The following SEPTIN9 variants were observed in gnomAD, a reference collection of about 807,000 sequenced individuals.
SEPTIN9 encodes the protein septin-9.
Under a neutral mutation model 56.6 loss-of-function variants are expected in SEPTIN9, and 13 were observed. That is an observed-to-expected ratio of 0.23 (90% CI 0.15 to 0.37). The LOEUF (loss-of-function observed/expected upper bound fraction) is 0.37, where lower values mean the gene tolerates loss of function less well. Ranked by LOEUF, SEPTIN9 falls within the 10% of genes least tolerant of loss-of-function variation. The pLI is 1.00. For synonymous variants in SEPTIN9, 332 were observed against 334.1 expected, an observed-to-expected ratio of 0.99 and a Z score of 0.07; for missense variants, 650 against 823.1, an observed-to-expected ratio of 0.79 and a Z score of 2.57.
In SEPTIN9 at chr17:77,367,582, G is replaced by A. The variant is rs544432531; in HGVS notation, c.77-34477G>A. Reference sequence around the variant, plus strand: ...TGTAATCCCAGCACTTTGGGAGGCTGAGGAGGATGGATCACTTGAGGCCAG... The same window carrying A: ...TGTAATCCCAGCACTTTGGGAGGCTAAGGAGGATGGATCACTTGAGGCCAG... On this transcript the variant is annotated intron_variant, in intron 2 of 11. Transcript: ENST00000427177. The surrounding 1 kb of genome is among the most constrained non-coding windows in gnomAD (Gnocchi z 4.5). Among the ~76,000 whole-genome samples, 1 of 152,082 alleles carries A rather than the reference G, an allele frequency of 6.6e-6. No individual in the cohort carries two copies. Among genetic ancestry groups the A allele is most frequent in the African/African-American group, 2.4e-5 (1 of 41,396 alleles).
At chr17:77,361,696 T>C (rs887294801) in intron 2 of SEPTIN9, among the ~76,000 whole-genome samples, 5 of 151,902 alleles carry the variant, frequency 3.3e-5, no homozygotes, top group African/African-American at 1.2e-4. Flanking sequence ...GCAGTGGCGC[T>C]ATCTCGGCTC....
chr17:77,373,811 TGCC>T lies in SEPTIN9; in HGVS notation c.77-28244_77-28242del, dbSNP rs966514333. ...AGGACCCTGTGCTCGTTCTGCGCAC[TGCC>T]GCCTGGGTTTCCTTCCTTTTATTGT... On this transcript the variant is annotated intron_variant, in intron 2 of 11. Coordinates refer to ENST00000427177, the MANE Select transcript of SEPTIN9 (RefSeq NM_001113491.2). 5 of 520,216 alleles carry T rather than the reference TGCC, an allele frequency of 9.6e-6. No individual in the cohort carries two copies. In the African/African-American group the frequency reaches 1.0e-4, roughly 10 times the overall value. The allele number at this position is 520,216 out of a possible 1,614,324, so 32.2% of individuals were successfully genotyped here. A position where few individuals can be genotyped will look rare whatever the true frequency, so the allele number is the denominator to read the frequency against.
intron 1 of SEPTIN9, among the ~76,000 whole-genome samples, chr17:77,287,377 G>A (rs1334227321): frequency 1.3e-5 from 2 of 152,236 alleles, no homozygotes; most frequent in Non-Finnish European, 2.9e-5. Flanking sequence ...GCCTGGCATT[G>A]GCCTGCTCTA....
At chr17:77,461,330 A>AT (rs2038463802) in intron 3 of SEPTIN9, among the ~76,000 whole-genome samples, 1 of 152,060 alleles carries the variant, frequency 6.6e-6, no homozygotes, top group Non-Finnish European at 1.5e-5. Flanking sequence ...AAATAAATAA[A>AT]AATAAAAATC....
Position 77,453,299 on chromosome 17 carries a change from A to C in SEPTIN9, c.722-28845A>C, listed in dbSNP as rs1301034569. 1.3e-5 allele frequency among the ~76,000 whole-genome samples: 2 copies of C among 152,164 alleles called. No homozygotes were observed. Among genetic ancestry groups the C allele is most frequent in the Non-Finnish European group, 2.9e-5 (2 of 68,040 alleles). ...CATCAAGCACTGTGGTCAGACCAGCATTCCATGTCAAAAATGGCCTTGTTG... is the reference window on the plus strand; with the variant it reads ...CATCAAGCACTGTGGTCAGACCAGCCTTCCATGTCAAAAATGGCCTTGTTG... On this transcript the variant is annotated intron_variant, in intron 3 of 11. Transcript: ENST00000427177. The surrounding 1 kb of genome is among the most constrained non-coding windows in gnomAD (Gnocchi z 4.4).
At position 77,492,034 on chromosome 17, in the gene SEPTIN9, G is replaced by A. The variant is rs1475837598; in HGVS notation, c.1381-587G>A. Reference sequence around the variant, plus strand: ...CACATCTGCCTCGGTGGGTGTGGGTGGGGCCTGTAACCTACTCCGTCCTGG... The same window carrying A: ...CACATCTGCCTCGGTGGGTGTGGGTAGGGCCTGTAACCTACTCCGTCCTGG... On this transcript the variant is annotated intron_variant, in intron 8 of 11. Coordinates refer to ENST00000427177, the MANE Select transcript of SEPTIN9 (RefSeq NM_001113491.2). This position sits in a 1 kb window ranked among gnomAD's most constrained non-coding sequence, Gnocchi z 5.4. Among the ~76,000 whole-genome samples, 1 of 152,084 alleles carries A rather than the reference G, an allele frequency of 6.6e-6. No homozygotes were observed. Among genetic ancestry groups the A allele is most frequent in the Non-Finnish European group, 1.5e-5 (1 of 68,006 alleles).
intron 2 of SEPTIN9, among the ~76,000 whole-genome samples, chr17:77,387,819 A>G (rs1416490361): frequency 6.6e-6 from 1 of 152,002 alleles, no homozygotes; most frequent in Non-Finnish European, 1.5e-5. Context: ...ACTTCTGTGG[A>G]CAGATTCCAG....
chr17:77,450,387 C>T lies in SEPTIN9; in HGVS notation c.722-31757C>T, dbSNP rs1203454207. 3 of 736,266 alleles carry T rather than the reference C, an allele frequency of 4.1e-6. No individual in the cohort carries two copies. Among genetic ancestry groups the T allele is most frequent in the Non-Finnish European group, 5.0e-6 (3 of 602,394 alleles). 45.6% of individuals were successfully genotyped at this position (736,266 alleles called of 1,614,324 possible). On this transcript the variant is annotated intron_variant, in intron 3 of 11. Coordinates refer to ENST00000427177, the MANE Select transcript of SEPTIN9 (RefSeq NM_001113491.2). The surrounding 1 kb of genome is among the most constrained non-coding windows in gnomAD (Gnocchi z 6.0). Reference sequence around the variant, plus strand: ...TGAGGGCGTAGCTTCCAGAATTCAGCCCCTGGCCCTCAGAAGGTGTCACCA... The same window carrying T: ...TGAGGGCGTAGCTTCCAGAATTCAGTCCCTGGCCCTCAGAAGGTGTCACCA...
At position 77,319,961 on chromosome 17, in the gene SEPTIN9, G is replaced by A. The variant is rs769442066; in HGVS notation, c.76+12764G>A. On this transcript the variant is annotated intron_variant, in intron 2 of 11. Coordinates refer to ENST00000427177, the MANE Select transcript of SEPTIN9 (RefSeq NM_001113491.2). The surrounding 1 kb of genome is among the most constrained non-coding windows in gnomAD (Gnocchi z 5.3). ...CAGCCACCGACCAGACCGGGCGGCC[G>A]GGACTCTGGGACTCTCGCAGGCAGA... 1.2e-3 allele frequency: 1,393 copies of A among 1,176,902 alleles called. 3 individuals are homozygous for A. Among genetic ancestry groups the A allele is most frequent in the Non-Finnish European group, 1.4e-3 (1,355 of 948,168 alleles). 72.9% of individuals were successfully genotyped at this position (1,176,902 alleles called of 1,614,324 possible). A position where few individuals can be genotyped will look rare whatever the true frequency, so the allele number is the denominator to read the frequency against.
chr17:77,326,945 G>A lies in SEPTIN9; in HGVS notation c.76+19748G>A, dbSNP rs566101977. On this transcript the variant is annotated intron_variant, in intron 2 of 11. Transcript: ENST00000427177. The surrounding 1 kb of genome is among the most constrained non-coding windows in gnomAD (Gnocchi z 5.1). ...TGTGGAGGCTCCTGGAGGGTGGAGC[G>A]CCTGGGGAGCACATGGAAGCTCTGC... Among the ~76,000 whole-genome samples, 16 of 152,122 alleles carry A rather than the reference G, an allele frequency of 1.1e-4. No homozygotes were observed. The South Asian group carries it at 1.2e-3, about 12-fold the overall frequency.
At chr17:77,320,416 TG>T (rs989981107) in intron 2 of SEPTIN9, 31 of 1,369,032 alleles carry the variant, frequency 2.3e-5, no homozygotes, top group Non-Finnish European at 3.1e-5. Flanking sequence ...TATTTATGCC[TG>T]GGGGAATAAG....
intron 3 of SEPTIN9, among the ~76,000 whole-genome samples, chr17:77,432,918 T>A (rs1245724459): frequency 6.6e-6 from 1 of 152,160 alleles, no homozygotes; most frequent in Non-Finnish European, 1.5e-5. Flanking sequence ...CCCAGGAATT[T>A]CTGGCCCCTT....
At chr17:77,341,738 G>A (rs1292571641) in intron 2 of SEPTIN9, among the ~76,000 whole-genome samples, 3 of 137,538 alleles carry the variant, frequency 2.2e-5, no homozygotes, top group Admixed American at 8.1e-5. Flanking sequence ...TCACACCACT[G>A]CACTCCACTG....
intron 2 of SEPTIN9, among the ~76,000 whole-genome samples, chr17:77,308,405 C>T (rs565504787): frequency 3.3e-5 from 5 of 152,358 alleles, no homozygotes; most frequent in South Asian, 2.1e-4. Context: ...CATCTGGAGC[C>T]GCCACCTCCA....
At chr17:77,407,173 C>G (rs1022879273) in intron 3 of SEPTIN9, among the ~76,000 whole-genome samples, 1 of 146,786 alleles carries the variant, frequency 6.8e-6, no homozygotes, top group East Asian at 2.0e-4. Context: ...GTCCCAGCTA[C>G]TGGGGAGGTT....
At chr17:77,406,660 T>C (rs2411112) in intron 3 of SEPTIN9, among the ~76,000 whole-genome samples, 1 of 150,306 alleles carries the variant, frequency 6.7e-6, no homozygotes, top group Non-Finnish European at 1.5e-5. Context: ...TTGTTTTTTT[T>C]TGTGTTTTTT....
chr17:77,407,392 T>C (rs938718670), intron 3 of SEPTIN9, among the ~76,000 whole-genome samples: 9 of 150,112 alleles, frequency 6.0e-5, no homozygotes, highest in African/African-American at 2.0e-4. Context: ...TGGTGGTGAG[T>C]TGGGATGGCT....
chr17:77,481,380 G>A (rs895445069), intron 3 of SEPTIN9, among the ~76,000 whole-genome samples: 6 of 148,840 alleles, frequency 4.0e-5, no homozygotes, highest in Non-Finnish European at 8.9e-5. Flanking sequence ...GTCAGTCCAG[G>A]GGGAGGCAGA....
intron 2 of SEPTIN9, among the ~76,000 whole-genome samples, chr17:77,320,957 G>C (rs373468911): frequency 6.6e-6 from 1 of 152,226 alleles, no homozygotes; most frequent in African/African-American, 2.4e-5. Flanking sequence ...CCATCAGGGC[G>C]TGAACAGGCA....
Sources: allele counts gnomAD v4.1 joint callset (sites outside exome capture counted in the v4.1 genomes callset), GRCh38; gene constraint gnomAD v4.1.1; non-coding constraint Gnocchi (gnomAD v3.1); transcripts MANE v1.5; gene names NCBI Gene and HGNC (gene_info 2026-07-23, HGNC 2026-07-21).